Variants in ACMSD observed in about 807,000 individuals in gnomAD.
ACMSD encodes 2-amino-3-carboxymuconate-6-semialdehyde decarboxylase.
ACMSD carries 37 observed loss-of-function variants against 45.9 expected under a neutral mutation model. The ratio of observed to expected loss-of-function variants is 0.81; its 90% CI spans 0.62 to 1.06. The LOEUF is 1.06. Ranked by LOEUF, ACMSD falls within the 50% of genes least tolerant of loss-of-function variation. The pLI is 0.00. For synonymous variants in ACMSD, 138 were observed against 148.8 expected (o/e 0.93, Z 0.53); for missense variants, 434 against 420.9 (o/e 1.03, Z -0.27).
intron 3 of ACMSD, among the ~76,000 whole-genome samples, chr2:134,861,514 A>T (rs1481020699): frequency 6.6e-6 from 1 of 152,068 alleles, no homozygotes; most frequent in Non-Finnish European, 1.5e-5. Context: ...TTGAAGACAA[A>T]AGATTCTTGG....
intron 6 of ACMSD, 143 bp from the exon 7 acceptor site, chr2:134,870,822 T>A: frequency 1.8e-6 from 1 of 565,260 alleles, no homozygotes; most frequent in Non-Finnish European, 3.1e-6. Context: ...GCCAAAGTAA[T>A]GTCCTATATA....
intron 9 of ACMSD, among the ~76,000 whole-genome samples, chr2:134,900,376 T>TGACTTGGTG (rs1246900758): frequency 6.6e-6 from 1 of 152,158 alleles, no homozygotes; most frequent in Non-Finnish European, 1.5e-5. Flanking sequence ...AGTCACTTAG[T>TGACTTGGTG]ATCATCTTGG....
chr2:134,859,274 T>G lies in ACMSD; in HGVS notation c.116T>G (p.Leu39Trp), dbSNP rs1292671335. The G allele has an allele frequency of 1.2e-6, 2 of 1,613,880 alleles. No homozygotes were observed. Among genetic ancestry groups the G allele is most frequent in the African/African-American group, 2.7e-5 (2 of 74,874 alleles). ...LQHHSKGEAK[L>W]LKDGKVFRVV... ...TTTCTGCCCCAGGGAGAAGCAAAGT[T>G]GTTGAAAGATGGGAAAGTCTTCAGA... Residue 39 changes from leucine (L) to tryptophan (W), a missense_variant, in exon 3 of 10, where the codon TTG becomes TGG. Transcript: ENST00000356140.
At chr2:134,885,888 G>A (rs1270927263) in intron 8 of ACMSD, among the ~76,000 whole-genome samples, 2 of 152,012 alleles carry the variant, frequency 1.3e-5, no homozygotes, top group Non-Finnish European at 2.9e-5. Context: ...TATTTCCCGA[G>A]GAAAAGCAGC....
chr2:134,897,505 T>C (rs1376506331), intron 8 of ACMSD, among the ~76,000 whole-genome samples: 1 of 152,196 alleles, frequency 6.6e-6, no homozygotes, highest in Non-Finnish European at 1.5e-5. Flanking sequence ...AATTTATTTC[T>C]TTGTATATCT....
rs1690521003 is a variant in ACMSD at position 134,901,866 on chromosome 2, T to C, written c.*6T>C. ...AGAGAAAACAATTTGAATGACTGAA[T>C]TTACTACAAAGGCAAACTTTCAAAA... On this transcript the variant is annotated 3_prime_UTR_variant, in exon 10 of 10. Coordinates refer to ENST00000356140, the MANE Select transcript of ACMSD (RefSeq NM_138326.3). 2 of 1,595,586 alleles carry C rather than the reference T, an allele frequency of 1.3e-6. No homozygotes were observed. The highest frequency in any genetic ancestry group is 1.1e-5 in the South Asian group (1 of 88,374).
At chr2:134,869,706 G>GTATATA (rs149963659) in intron 6 of ACMSD, among the ~76,000 whole-genome samples, 204 of 145,374 alleles carry the variant, frequency 1.4e-3, no homozygotes, top group African/African-American at 3.9e-3. Context: ...TTATAAACAA[G>GTATATA]TATATATATA....
intron 1 of ACMSD, 142 bp from the exon 2 acceptor site, chr2:134,845,091 T>C (rs778134202): frequency 4.0e-6 from 3 of 754,072 alleles, no homozygotes; most frequent in Non-Finnish European, 4.6e-6. Flanking sequence ...TTGTAAATAC[T>C]AAATAGGCGA....
At chr2:134,879,449 T>A (rs754966323) in intron 8 of ACMSD, among the ~76,000 whole-genome samples, 1 of 152,220 alleles carries the variant, frequency 6.6e-6, no homozygotes, top group Non-Finnish European at 1.5e-5. Context: ...AGGTTTTTGT[T>A]ATGGTAGCAC....
intron 1 of ACMSD, 93 bp downstream of exon 1, chr2:134,838,832 T>C (rs1191157663): frequency 3.0e-6 from 3 of 993,956 alleles, no homozygotes; most frequent in African/African-American, 1.6e-5. Flanking sequence ...GTCTAGTTTA[T>C]CTGCTTTGGT....
chr2:134,867,552 T>A (rs182351345), intron 5 of ACMSD, 27 bp from the exon 6 acceptor site: 5 of 1,552,990 alleles, frequency 3.2e-6, no homozygotes, highest in Non-Finnish European at 4.4e-6. Context: ...AGTAACCCTC[T>A]CTCTCTCTCT....
At chr2:134,848,391 C>G (rs910023358) in intron 2 of ACMSD, among the ~76,000 whole-genome samples, 8 of 152,306 alleles carry the variant, frequency 5.3e-5, no homozygotes, top group Non-Finnish European at 7.4e-5. Context: ...CTTACACCCC[C>G]ACCAACAGTA....
intron 8 of ACMSD, among the ~76,000 whole-genome samples, chr2:134,889,715 C>A (rs1166072211): frequency 1.3e-5 from 2 of 152,026 alleles, no homozygotes; most frequent in Non-Finnish European, 2.9e-5. Context: ...ATTTGAGCAT[C>A]TGAAGACTTT....
chr2:134,871,865 A>G lies in ACMSD; in HGVS notation c.677-604A>G, dbSNP rs74771919. On this transcript the variant is annotated intron_variant, in intron 7 of 9. Coordinates refer to ENST00000356140, the MANE Select transcript of ACMSD (RefSeq NM_138326.3). ...ATGGATATGCCATCATGACTCAGAT[A>G]GCCCCCGACTGATAGGTTGTCTCAA... Among the ~76,000 whole-genome samples the G allele has an allele frequency of 1.7e-3, 259 of 152,194 alleles. 3 individuals are homozygous for G. In the East Asian group the frequency reaches 0.045, roughly 26 times the overall value.
At chr2:134,888,701 A>G (rs968390098) in intron 8 of ACMSD, among the ~76,000 whole-genome samples, 3 of 150,838 alleles carry the variant, frequency 2.0e-5, no homozygotes, top group East Asian at 1.9e-4. Flanking sequence ...TACAACATAG[A>G]TAACTCTTAC....
intron 6 of ACMSD, among the ~76,000 whole-genome samples, chr2:134,868,469 T>TC (rs1688243288): frequency 6.6e-6 from 1 of 150,744 alleles, no homozygotes. Flanking sequence ...TTTTTTTTTT[T>TC]TGAGACAAGG....
In ACMSD at chr2:134,901,937, A is replaced by C. The variant is rs538413250; in HGVS notation, c.*77A>C. On this transcript the variant is annotated 3_prime_UTR_variant, in exon 10 of 10. Transcript: ENST00000356140. ...TAAATATGTATCAACAGGTATCAACAAAATCCTATTTTGAACTATTTTACT... is the reference window on the plus strand; with the variant it reads ...TAAATATGTATCAACAGGTATCAACCAAATCCTATTTTGAACTATTTTACT... 9.3e-7 allele frequency: 1 copy of C among 1,072,972 alleles called. No homozygotes were observed. The highest frequency in any genetic ancestry group is 1.6e-5 in the African/African-American group (1 of 63,144). The allele number at this position is 1,072,972 out of a possible 1,614,324, so 66.5% of individuals were successfully genotyped here.
intron 5 of ACMSD, among the ~76,000 whole-genome samples, chr2:134,866,509 C>T (rs1688102029): frequency 6.6e-6 from 1 of 152,212 alleles, no homozygotes; most frequent in Non-Finnish European, 1.5e-5. Flanking sequence ...CTACCCAAGA[C>T]CTGTTGAATT....
intron 6 of ACMSD, among the ~76,000 whole-genome samples, chr2:134,870,079 C>T (rs1306838373): frequency 6.6e-6 from 1 of 152,186 alleles, no homozygotes. Context: ...GAATGAGCAT[C>T]CTGTGAAGCC....
Sources: gnomAD v4.1 joint callset for allele counts (sites outside exome capture counted in the v4.1 genomes callset) on GRCh38, gnomAD v4.1.1 for gene constraint, MANE v1.5 for transcripts, NCBI Gene and HGNC (gene_info 2026-07-23, HGNC 2026-07-21) for gene names.